The following PSD3 variants were observed in gnomAD, a reference collection of about 807,000 sequenced individuals.
The protein encoded by PSD3 is pleckstrin and Sec7 domain containing 3.
In PSD3, 49 loss-of-function variants were observed where a neutral mutation model predicts 105.5. That is an observed-to-expected ratio of 0.46 (90% CI 0.37 to 0.59). PSD3 has a LOEUF of 0.59. PSD3 is among the 20% of genes least tolerant of loss of function. The probability of loss-of-function intolerance (pLI) is 0.00; values close to 1 mark genes in which losing one functional copy is unlikely to be tolerated. For missense variants in PSD3, 1,561 were observed against 1,263.8 expected (o/e 1.24, Z -3.57); for synonymous variants, 557 against 457.8 (o/e 1.22, Z -2.77).
chr8:18,902,736 T>A (rs1819587686), intron 2 of PSD3, among the ~76,000 whole-genome samples: 1 of 152,218 alleles, frequency 6.6e-6, no homozygotes, highest in Non-Finnish European at 1.5e-5. Flanking sequence ...TCCAGACAGG[T>A]GCAGTAGTAG....
chr8:18,578,733 G>T (rs552684394), intron 12 of PSD3, among the ~76,000 whole-genome samples: 1 of 118,572 alleles, frequency 8.4e-6, no homozygotes, highest in Non-Finnish European at 1.8e-5. Flanking sequence ...TCTTAAAAAT[G>T]CAAAAAAAAA....
intron 12 of PSD3, among the ~76,000 whole-genome samples, chr8:18,579,096 CCA>C (rs3988324): frequency 0.036 from 5,231 of 143,598 alleles, 142 homozygotes; most frequent in East Asian, 0.085. Flanking sequence ...AGCTCCAAGT[CCA>C]CACACACACA....
chr8:19,022,864 C>CTTTTTTTTTTTT (rs5889843), intron 1 of PSD3, among the ~76,000 whole-genome samples: 1 of 143,694 alleles, frequency 7.0e-6, no homozygotes, highest in Non-Finnish European at 1.5e-5. Context: ...TCTCAGGACC[C>CTTTTTTTTTTTT]TTTTTTTTTT....
chr8:18,894,444 C>T (rs917177980), intron 2 of PSD3, among the ~76,000 whole-genome samples: 1 of 152,126 alleles, frequency 6.6e-6, no homozygotes, highest in Non-Finnish European at 1.5e-5. Context: ...TTCAGGCTAC[C>T]TCACAGTTCC....
chr8:18,876,623 C>T (rs1817750319), intron 2 of PSD3, among the ~76,000 whole-genome samples: 1 of 152,228 alleles, frequency 6.6e-6, no homozygotes, highest in Admixed American at 6.5e-5. Context: ...TAGTCTTGAA[C>T]TCCTGGGCTC....
Position 18,601,692 on chromosome 8 carries a change from CA to C in PSD3, c.2411-1259del, listed in dbSNP as rs778735559. 2.8e-3 allele frequency among the ~76,000 whole-genome samples: 423 copies of C among 151,626 alleles called. 1 individual carries two copies. The highest frequency in any genetic ancestry group is 9.6e-3 in the African/African-American group (397 of 41,390). On this transcript the variant is annotated intron_variant, in intron 11 of 15. Transcript: ENST00000327040. Reference sequence around the variant, plus strand: ...AAGGTATACTAAAAATACATATAACCAAAAAAAAGCATACCATTATTTCCGT... The same window carrying C: ...AAGGTATACTAAAAATACATATAACCAAAAAAAGCATACCATTATTTCCGT...
chr8:18,544,536 G>A lies in PSD3; in HGVS notation c.2929-8578C>T, dbSNP rs201382219. On this transcript the variant is annotated intron_variant, in intron 15 of 15. Coordinates refer to ENST00000327040, the MANE Select transcript of PSD3 (RefSeq NM_015310.4). ...CCACACATTTTTATTTATATAGTTC[G>A]TGTTCGTGGCTTTCTGGGAAATCCA... is the stretch of plus-strand genomic sequence containing the variant. Among the ~76,000 whole-genome samples the A allele has an allele frequency of 4.6e-5, 7 of 151,444 alleles. No homozygotes were observed. The East Asian group carries it at 7.8e-4, about 17-fold the overall frequency.
intron 1 of PSD3, among the ~76,000 whole-genome samples, chr8:18,978,095 A>G (rs936249397): frequency 8.5e-5 from 13 of 152,218 alleles, no homozygotes; most frequent in Non-Finnish European, 1.6e-4. Context: ...ACCTGACTTT[A>G]GGGAGGAATT....
chr8:18,887,112 T>A (rs1818496791), intron 2 of PSD3: 1 of 152,322 alleles, frequency 6.6e-6, no homozygotes, highest in East Asian at 1.9e-4. Flanking sequence ...GGGGCTGTCA[T>A]CTTAGTATTA....
rs941217523 is a variant in PSD3 at position 18,972,419 on chromosome 8, G to A, written c.22-36277C>T. Reference sequence around the variant, plus strand: ...GATCAAAGAGCAGCAGTTATCACAGGGTCAGATTTTGACTCAACATAGCTA... The same window carrying A: ...GATCAAAGAGCAGCAGTTATCACAGAGTCAGATTTTGACTCAACATAGCTA... On this transcript the variant is annotated intron_variant, in intron 1 of 15. Coordinates refer to ENST00000327040, the MANE Select transcript of PSD3 (RefSeq NM_015310.4). Among the ~76,000 whole-genome samples, 4 of 152,152 alleles carry A rather than the reference G, an allele frequency of 2.6e-5. No homozygotes were observed. The South Asian group carries it at 8.3e-4, about 32-fold the overall frequency.
At chr8:18,586,402 T>C (rs948270683) in intron 12 of PSD3, among the ~76,000 whole-genome samples, 11 of 152,302 alleles carry the variant, frequency 7.2e-5, no homozygotes, top group African/African-American at 2.2e-4. Flanking sequence ...GAAATGCGAA[T>C]TGAATTATTC....
At chr8:18,827,289 T>C (rs547224045) in intron 4 of PSD3, among the ~76,000 whole-genome samples, 1 of 152,164 alleles carries the variant, frequency 6.6e-6, no homozygotes, top group Non-Finnish European at 1.5e-5. Flanking sequence ...ATGTGGCATT[T>C]ACCAGGTGGA....
Position 18,804,805 on chromosome 8 carries a change from A to T in PSD3, c.1728T>A (p.Asn576Lys). 1 of 1,614,104 alleles carries T rather than the reference A, an allele frequency of 6.2e-7. No homozygotes were observed. The highest frequency in any genetic ancestry group is 8.5e-7 in the Non-Finnish European group (1 of 1,179,964). Residue 576 changes from asparagine to lysine, a missense_variant, in exon 5 of 16, where the codon AAT becomes AAA. By Grantham distance (94) the Asn-to-Lys change is moderately conservative. Coordinates refer to ENST00000327040, the MANE Select transcript of PSD3 (RefSeq NM_015310.4). ...CTGCTTCCACATTGCTGCTGGTACC[A>T]TTACTGAGATTTTCTGGGGTCTCCT... Reference protein sequence around the residue: ...LEKETPENLSNGTSSNVEAAK... With the variant: ...LEKETPENLSKGTSSNVEAAK...
chr8:18,772,913 C>A (rs1247637262), intron 8 of PSD3, among the ~76,000 whole-genome samples: 2 of 152,144 alleles, frequency 1.3e-5, no homozygotes, highest in East Asian at 1.9e-4. Context: ...TATAGGAGTT[C>A]TTTACACAGT....
At chr8:18,577,696 C>G (rs116670131) in intron 12 of PSD3, among the ~76,000 whole-genome samples, 3 of 152,022 alleles carry the variant, frequency 2.0e-5, no homozygotes, top group African/African-American at 7.2e-5. Flanking sequence ...ATCTATTCCT[C>G]ACCCACATCA....
At chr8:18,600,735 G>A in intron 11 of PSD3, among the ~76,000 whole-genome samples, 1 of 152,168 alleles carries the variant, frequency 6.6e-6, no homozygotes, top group East Asian at 1.9e-4. Context: ...GTAGAAGGCT[G>A]AAAAACCAGG....
intron 9 of PSD3, among the ~76,000 whole-genome samples, chr8:18,764,129 C>A (rs551779461): frequency 6.6e-6 from 1 of 152,308 alleles, no homozygotes; most frequent in South Asian, 2.1e-4. Context: ...AAGCCTACCA[C>A]TAAATTCTAA....
chr8:18,766,012 A>G (rs1806966511), intron 8 of PSD3, among the ~76,000 whole-genome samples: 2 of 151,652 alleles, frequency 1.3e-5, no homozygotes, highest in South Asian at 4.2e-4. Context: ...AAACAAACAA[A>G]TAACATAACT....
At chr8:18,703,378 G>A (rs929202557) in intron 9 of PSD3, among the ~76,000 whole-genome samples, 2 of 152,122 alleles carry the variant, frequency 1.3e-5, no homozygotes, top group African/African-American at 4.8e-5. Context: ...GTATGAAAAG[G>A]TGCTCATTAA....
Sources: gnomAD v4.1 joint callset for allele counts (sites outside exome capture counted in the v4.1 genomes callset) on GRCh38, gnomAD v4.1.1 for gene constraint, MANE v1.5 for transcripts, NCBI Gene and HGNC (gene_info 2026-07-23, HGNC 2026-07-21) for gene names.